The following ALPK3 variants were observed in gnomAD, a reference collection of about 807,000 sequenced individuals.
ALPK3 encodes the protein alpha-protein kinase 3.
A neutral mutation model predicts 140.0 loss-of-function variants in ALPK3; 102 were observed. The observed-to-expected ratio is 0.73, with a 90% CI of 0.62 to 0.86. The LOEUF (loss-of-function observed/expected upper bound fraction) is 0.86, where lower values mean the gene tolerates loss of function less well. Among genes scored for constraint, ALPK3 ranks in the 40% least tolerant of loss-of-function variants. The pLI, the probability that ALPK3 is intolerant of heterozygous loss-of-function variation, is 0.00. For synonymous variants in ALPK3, 938 were observed against 898.5 expected (o/e 1.04, Z -0.79); for missense variants, 2,254 against 2,208.2 (o/e 1.02, Z -0.42).
chr15:84,837,468 G>A (rs1963608264), intron 3 of ALPK3, among the ~76,000 whole-genome samples: 1 of 152,200 alleles, frequency 6.6e-6, no homozygotes, highest in Non-Finnish European at 1.5e-5. Context: ...TTGTGCGGGT[G>A]CATGCCATGT....
chr15:84,862,330 C>T (rs1164227347), intron 9 of ALPK3, among the ~76,000 whole-genome samples: 2 of 152,014 alleles, frequency 1.3e-5, no homozygotes, highest in Non-Finnish European at 2.9e-5. Context: ...CCCCTGCCTT[C>T]CACAAACACA....
chr15:84,856,319 C>T, intron 5 of ALPK3, 73 bp from the exon 6 acceptor site: 3 of 1,528,200 alleles, frequency 2.0e-6, no homozygotes, highest in Non-Finnish European at 2.6e-6. Context: ...TCCGAGGAGA[C>T]TGGGATGCCA....
intron 2 of ALPK3, among the ~76,000 whole-genome samples, chr15:84,825,955 G>A (rs1414093756): frequency 1.3e-5 from 2 of 152,194 alleles, no homozygotes; most frequent in Non-Finnish European, 2.9e-5. Context: ...AGGTTGTAGG[G>A]AGTGTTACAG....
At chr15:84,818,678 C>T (rs1963389389) in intron 1 of ALPK3, among the ~76,000 whole-genome samples, 1 of 152,182 alleles carries the variant, frequency 6.6e-6, no homozygotes, top group Non-Finnish European at 1.5e-5. Flanking sequence ...TGGCTGAGTC[C>T]TACTGACCTT....
At chr15:84,846,156 G>A (rs1396803726) in intron 5 of ALPK3, among the ~76,000 whole-genome samples, 2 of 152,134 alleles carry the variant, frequency 1.3e-5, no homozygotes, top group Non-Finnish European at 2.9e-5. Flanking sequence ...AACCTCAGAG[G>A]CCTGAATGGA....
rs1039682157 is a variant in ALPK3 at position 84,869,379 on chromosome 15, G to A, written c.*923G>A. ...TCAGCAGCTGTAGCCAGAGAGAGGT[G>A]TTGACTCTGAGAGACCTTGCACTCC... On this transcript the variant is annotated 3_prime_UTR_variant, in exon 14 of 14. Transcript: ENST00000258888. 1.3e-5 allele frequency: 2 copies of A among 152,304 alleles called. No homozygotes were observed. Among genetic ancestry groups the A allele is most frequent in the African/African-American group, 2.4e-5 (1 of 41,454 alleles). 9.4% of individuals were successfully genotyped at this position (152,304 alleles called of 1,614,324 possible).
intron 8 of ALPK3, 32 bp downstream of exon 8, chr15:84,859,935 C>T: frequency 6.2e-7 from 1 of 1,613,876 alleles, no homozygotes; most frequent in South Asian, 1.1e-5. Context: ...GGGTCTCAGC[C>T]TGGCCTGGCT....
chr15:84,831,052 G>T (rs905883283), intron 3 of ALPK3, among the ~76,000 whole-genome samples: 2 of 152,090 alleles, frequency 1.3e-5, no homozygotes, highest in African/African-American at 2.4e-5. Context: ...TGCGAATTTG[G>T]CTGGGTATAG....
At position 84,871,868 on chromosome 15, in the gene ALPK3, CATG is replaced by C. The variant is rs986473329; in HGVS notation, c.*3416_*3418del. ...TTGGGTGCAGTATGTGAGGAGGTCA[CATG>C]ATGTTTATGGCATTTGAGAATTCCA... On this transcript the variant is annotated 3_prime_UTR_variant, in exon 14 of 14. Transcript: ENST00000258888. The C allele has an allele frequency of 6.6e-6, 1 of 152,202 alleles. No homozygotes were observed. The highest frequency in any genetic ancestry group is 1.5e-5 in the Non-Finnish European group (1 of 68,042). 9.4% of individuals were successfully genotyped at this position (152,202 alleles called of 1,614,324 possible).
At chr15:84,855,558 C>T (rs1485471208) in intron 5 of ALPK3, among the ~76,000 whole-genome samples, 1 of 152,134 alleles carries the variant, frequency 6.6e-6, no homozygotes, top group Non-Finnish European at 1.5e-5. Context: ...ACAGGAAGTC[C>T]TTTAAAAGTA....
At chr15:84,844,720 G>A (rs918524781) in intron 5 of ALPK3, among the ~76,000 whole-genome samples, 2 of 152,160 alleles carry the variant, frequency 1.3e-5, no homozygotes, top group African/African-American at 4.8e-5. Flanking sequence ...AGCTGGGTGT[G>A]GTGATGCACA....
intron 10 of ALPK3, 65 bp from the exon 11 acceptor site, chr15:84,863,486 AG>A (rs1409878954): frequency 1.4e-6 from 2 of 1,420,366 alleles, no homozygotes; most frequent in Admixed American, 1.9e-5. Context: ...CCACTCACTT[AG>A]GGGTAGACAC....
intron 5 of ALPK3, among the ~76,000 whole-genome samples, chr15:84,855,159 C>T (rs1036159913): frequency 4.6e-5 from 7 of 152,210 alleles, no homozygotes; most frequent in South Asian, 2.1e-4. Flanking sequence ...GCCGTGTCTT[C>T]GGCCAGTTTC....
intron 12 of ALPK3, 59 bp from the exon 13 acceptor site, chr15:84,867,258 A>T (rs1481027446): frequency 6.0e-6 from 9 of 1,511,364 alleles, no homozygotes; most frequent in Non-Finnish European, 8.1e-6. Context: ...CCTGCTGGAG[A>T]TGTGGGGGCT....
rs1472921467 is a variant in ALPK3 at position 84,817,591 on chromosome 15, A to C, written c.139A>C (p.Thr47Pro). 6.7e-7 allele frequency: 1 copy of C among 1,498,140 alleles called. No individual in the cohort carries two copies. The highest frequency in any genetic ancestry group is 1.2e-5 in the South Asian group (1 of 81,694). 92.8% of individuals were successfully genotyped at this position (1,498,140 alleles called of 1,614,324 possible). ...CTACCTGCTCAGCGTGCGGCCCGAG[A>C]CCAGGTAAGTGGCACCAAGGGGCAG... Reference protein sequence around the residue: ...RSYLLSVRPETSLSSNRLSHP... With the variant: ...RSYLLSVRPEPSLSSNRLSHP... The change falls in exon 1 of 14, where the codon ACC (threonine) becomes CCC (proline). Residue 47 changes from threonine to proline, a missense_variant. Thr to Pro is a conservative substitution (Grantham distance 38, BLOSUM62 -1). Around this residue, in one of 3 missense-constraint regions of ALPK3, gnomAD observed 2,088 missense variants for 2,022.9 expected, o/e 1.03. Coordinates refer to ENST00000258888, the MANE Select transcript of ALPK3 (RefSeq NM_020778.5).
Position 84,827,530 on chromosome 15 carries a change from C to G in ALPK3, c.229C>G (p.Pro77Ala). Residue 77 changes from proline to alanine, a missense_variant, in exon 3 of 14, where the codon CCG (proline) becomes GCG (alanine). Pro to Ala is a conservative substitution (Grantham distance 27, BLOSUM62 -1). This residue lies in a region of ALPK3 where 2,088 missense variants were observed against 2,022.9 expected (regional missense o/e 1.03). Transcript: ENST00000258888. ...IIAQLTEETQ[P>A]LFETTLKSRS... ...TGCTCAGCTCACAGAGGAGACCCAG[C>G]CGCTATTTGAGACCACGCTCAAGTC... 1 of 1,614,208 alleles carries G rather than the reference C, an allele frequency of 6.2e-7. No homozygotes were observed. Among genetic ancestry groups the G allele is most frequent in the African/African-American group, 1.3e-5 (1 of 75,062 alleles).
chr15:84,825,652 A>G (rs1963478210), intron 2 of ALPK3, among the ~76,000 whole-genome samples: 1 of 152,186 alleles, frequency 6.6e-6, no homozygotes, highest in South Asian at 2.1e-4. Flanking sequence ...ATGAGATAGG[A>G]TTCAAATTAT....
rs974266035 is a variant in ALPK3 at position 84,817,382 on chromosome 15, CG to C, written c.-66del. The C allele has an allele frequency of 4.4e-5, 54 of 1,218,986 alleles. No homozygotes were observed. The Middle Eastern group carries it at 1.6e-3, about 36-fold the overall frequency. The allele number at this position is 1,218,986 out of a possible 1,614,324, so 75.5% of individuals were successfully genotyped here. On this transcript the variant is annotated 5_prime_UTR_variant, in exon 1 of 14. Coordinates refer to ENST00000258888, the MANE Select transcript of ALPK3 (RefSeq NM_020778.5). ...GGAGCGGCGGCGGCGGGCAGGGGCCCGGGGGCCGGGGCCTGGAGGACAGGCG... is the reference window on the plus strand; with the variant it reads ...GGAGCGGCGGCGGCGGGCAGGGGCCCGGGGCCGGGGCCTGGAGGACAGGCG...
At chr15:84,855,752 G>A (rs1228592319) in intron 5 of ALPK3, among the ~76,000 whole-genome samples, 1 of 152,138 alleles carries the variant, frequency 6.6e-6, no homozygotes, top group Non-Finnish European at 1.5e-5. Context: ...GAGTAAGTGG[G>A]GTAATATCAT....
Sources: gnomAD v4.1 joint callset for allele counts (sites outside exome capture counted in the v4.1 genomes callset) on GRCh38, gnomAD v4.1.1 for gene constraint, gnomAD v4.1.1 regional missense constraint, MANE v1.5 for transcripts, NCBI Gene and HGNC (gene_info 2026-07-23, HGNC 2026-07-21) for gene names.